BRF1: variants seen among roughly 807,000 people sequenced by gnomAD.
BRF1 encodes transcription factor IIIB 90 kDa subunit.
A neutral mutation model predicts 81.7 loss-of-function variants in BRF1; 59 were observed. The observed-to-expected ratio is 0.72, with a 90% CI of 0.59 to 0.90. The LOEUF is 0.90. Ranked by LOEUF, BRF1 falls within the 40% of genes least tolerant of loss-of-function variation. BRF1 has a pLI of 0.00. For missense variants in BRF1, 1,050 were observed against 936.3 expected, an observed-to-expected ratio of 1.12 and a Z score of -1.58; for synonymous variants, 491 against 395.6, an observed-to-expected ratio of 1.24 and a Z score of -2.86.
At chr14:105,255,653 G>C (rs887709332) in intron 4 of BRF1, among the ~76,000 whole-genome samples, 14 of 152,236 alleles carry the variant, frequency 9.2e-5, no homozygotes, top group Admixed American at 9.2e-4. Flanking sequence ...CGTCCCTGCA[G>C]AGCCTCGGTG....
chr14:105,307,700 T>C (rs1265711051), intron 1 of BRF1, among the ~76,000 whole-genome samples: 1 of 152,212 alleles, frequency 6.6e-6, no homozygotes, highest in Middle Eastern at 3.2e-3. Flanking sequence ...GGCAAGTGCT[T>C]CAATCTCTCT....
chr14:105,219,724 G>A (rs897139655), intron 12 of BRF1: 3 of 455,390 alleles, frequency 6.6e-6, no homozygotes, highest in African/African-American at 1.9e-5. Flanking sequence ...GGCGCACAGC[G>A]CATGTGGAGT....
At chr14:105,245,214 A>T (rs976093859) in intron 5 of BRF1, among the ~76,000 whole-genome samples, 1 of 152,110 alleles carries the variant, frequency 6.6e-6, no homozygotes, top group African/African-American at 2.4e-5. Context: ...ACAAAAAATT[A>T]GCCGGGCATG....
chr14:105,217,741 G>T lies in BRF1; in HGVS notation c.1575C>A (p.Ile525=). 1 of 1,613,408 alleles carries T rather than the reference G, an allele frequency of 6.2e-7. No individual in the cohort carries two copies. The highest frequency in any genetic ancestry group is 8.5e-7 in the Non-Finnish European group (1 of 1,180,022). ...TCTTCTTCTGCTCCAGCATCTTCTC[G>T]ATGGCCTCCCTGGCGGTACTGGCCT... The part of the protein sequence containing the change: ...PIQASTAREA[I]EKMLEQKKIS... Residue 525 remains isoleucine, a synonymous_variant, in exon 15 of 18, where the codon ATC becomes ATA. Coordinates refer to ENST00000547530, the MANE Select transcript of BRF1 (RefSeq NM_001519.4).
intron 1 of BRF1, among the ~76,000 whole-genome samples, chr14:105,293,140 C>CGCCAGGAGGCCAGGCGCATG (rs1453190637): frequency 6.6e-6 from 1 of 152,144 alleles, no homozygotes; most frequent in Non-Finnish European, 1.5e-5. Context: ...ACTAGAGCCC[C>CGCCAGGAGGCCAGGCGCATG]GCCAGGAGGC....
chr14:105,295,242 G>A (rs979619146), intron 1 of BRF1, among the ~76,000 whole-genome samples: 1 of 147,694 alleles, frequency 6.8e-6, no homozygotes, highest in African/African-American at 2.6e-5. Context: ...CAAGGTGGGA[G>A]GATGCCTTGA....
Position 105,272,720 on chromosome 14 carries a change from C to T in BRF1, c.439+1G>A, listed in dbSNP as rs867211537. 1.4e-5 allele frequency: 22 copies of T among 1,601,552 alleles called. No homozygotes were observed. The highest frequency in any genetic ancestry group is 5.4e-5 in the African/African-American group (4 of 74,734). On this transcript the variant is annotated splice_donor_variant, in intron 3 of 17. Transcript: ENST00000547530. LOFTEE classifies it high-confidence loss of function. ...TGGGAGGCTCTCAAACCAAAGGATACGCGGCGTGCCCTCCGTACGGCAGAC... is the reference window on the plus strand; with the variant it reads ...TGGGAGGCTCTCAAACCAAAGGATATGCGGCGTGCCCTCCGTACGGCAGAC...
intron 15 of BRF1, 128 bp from the exon 16 acceptor site, chr14:105,212,292 T>C: frequency 7.8e-7 from 1 of 1,277,002 alleles, no homozygotes; most frequent in South Asian, 1.4e-5. Flanking sequence ...GGAAGCCTGG[T>C]TCTGCGTCCA....
chr14:105,270,508 G>A (rs903418080), intron 3 of BRF1, among the ~76,000 whole-genome samples: 2 of 151,804 alleles, frequency 1.3e-5, no homozygotes, highest in African/African-American at 2.4e-5. Flanking sequence ...CATTTTCAGG[G>A]TTGGATGCAG....
At chr14:105,250,049 G>A in intron 5 of BRF1, 1 of 1,612,962 alleles carries the variant, frequency 6.2e-7, no homozygotes. Flanking sequence ...TCTGGGGCGA[G>A]CCCTCTATCT....
chr14:105,225,801 C>G (rs1486062330), intron 10 of BRF1, among the ~76,000 whole-genome samples: 2 of 152,182 alleles, frequency 1.3e-5, no homozygotes, highest in African/African-American at 4.8e-5. Context: ...GTGCGCACCA[C>G]CACGCCCAGC....
intron 3 of BRF1, among the ~76,000 whole-genome samples, chr14:105,263,704 C>T (rs137890427): frequency 0.023 from 3,479 of 152,068 alleles, 93 homozygotes; most frequent in African/African-American, 0.063. Context: ...GATGGGCGGA[C>T]CACGAGGTCA....
At chr14:105,288,761 G>A (rs1048599670) in intron 1 of BRF1, among the ~76,000 whole-genome samples, 2 of 151,042 alleles carry the variant, frequency 1.3e-5, no homozygotes, top group African/African-American at 4.9e-5. Flanking sequence ...AGCCTCCCGA[G>A]TAGCTGGGAC....
chr14:105,241,073 C>T (rs890140285), intron 6 of BRF1, among the ~76,000 whole-genome samples, 192 bp downstream of exon 6: 4 of 152,240 alleles, frequency 2.6e-5, no homozygotes, highest in Non-Finnish European at 5.9e-5. Flanking sequence ...CACGCAGAGG[C>T]CAACGGGGCA....
rs935562701 is a variant in BRF1 at position 105,289,195 on chromosome 14, G to A, written c.185-2819C>T. Reference sequence around the variant, plus strand: ...GATCCCATCTCTACAAAAAAAAAATGAGCGGGGTATGGTAGGGCATGCCTG... The same window carrying A: ...GATCCCATCTCTACAAAAAAAAAATAAGCGGGGTATGGTAGGGCATGCCTG... On this transcript the variant is annotated intron_variant, in intron 1 of 17. Coordinates refer to ENST00000547530, the MANE Select transcript of BRF1 (RefSeq NM_001519.4). 2.0e-5 allele frequency among the ~76,000 whole-genome samples: 3 copies of A among 151,924 alleles called. No individual in the cohort carries two copies. In the South Asian group the frequency reaches 6.2e-4, roughly 32 times the overall value.
chr14:105,298,573 G>A (rs143127609), intron 1 of BRF1, among the ~76,000 whole-genome samples: 1 of 152,364 alleles, frequency 6.6e-6, no homozygotes, highest in African/African-American at 2.4e-5. Context: ...CACAGATTTA[G>A]GCCAGGTGCG....
intron 4 of BRF1, among the ~76,000 whole-genome samples, chr14:105,254,120 C>T (rs879805448): frequency 2.0e-5 from 3 of 152,202 alleles, no homozygotes; most frequent in Non-Finnish European, 2.9e-5. Flanking sequence ...TCAAACTCCA[C>T]ACCCCCCAAC....
rs587603159 is a variant in BRF1 at position 105,269,668 on chromosome 14, T to C, written c.439+3053A>G. Among the ~76,000 whole-genome samples, 111 of 152,150 alleles carry C rather than the reference T, an allele frequency of 7.3e-4. No homozygotes were observed. The highest frequency in any genetic ancestry group is 2.6e-3 in the African/African-American group (106 of 41,488). The stretch of plus-strand genomic sequence containing the variant: ...GTGGCTAAAGGTGGTCCTGCCAGAC[T>C]CAGAGGCAGCCCCGGCAGTGCCACA... On this transcript the variant is annotated intron_variant, in intron 3 of 17. Transcript: ENST00000547530. This position sits in a 1 kb window ranked among gnomAD's most constrained non-coding sequence, Gnocchi z 5.0.
intron 2 of BRF1, among the ~76,000 whole-genome samples, chr14:105,282,526 G>A (rs2057149672): frequency 1.3e-5 from 2 of 152,324 alleles, no homozygotes; most frequent in South Asian, 4.1e-4. Flanking sequence ...GACCAGGGCT[G>A]ATATGAAAAC....
Sources: allele counts gnomAD v4.1 joint callset (sites outside exome capture counted in the v4.1 genomes callset), GRCh38; gene constraint gnomAD v4.1.1; non-coding constraint Gnocchi (gnomAD v3.1); transcripts MANE v1.5; gene names NCBI Gene and HGNC (gene_info 2026-07-23, HGNC 2026-07-21).